Variants in CPD observed in about 807,000 individuals in gnomAD.
CPD encodes the protein metallocarboxypeptidase D.
CPD carries 69 observed loss-of-function variants against 138.3 expected under a neutral mutation model. That is an observed-to-expected ratio of 0.50 (90% CI 0.41 to 0.61). CPD has a LOEUF of 0.61. Among genes scored for constraint, CPD ranks in the 20% least tolerant of loss-of-function variants. The pLI, the probability that CPD is intolerant of heterozygous loss-of-function variation, is 0.00. For synonymous variants in CPD, 651 were observed against 642.1 expected (o/e 1.01, Z -0.21); for missense variants, 1,432 against 1,733.3 (o/e 0.83, Z 3.09).
intron 2 of CPD, among the ~76,000 whole-genome samples, chr17:30,413,420 T>A (rs903064785): frequency 2.0e-5 from 3 of 152,216 alleles, no homozygotes; most frequent in African/African-American, 7.2e-5. Context: ...GAGACAAGGT[T>A]AAGACCGAGT....
At position 30,464,759 on chromosome 17, in the gene CPD, A is replaced by G. The variant is rs754127371; in HGVS notation, c.4088A>G (p.Glu1363Gly). The G allele has an allele frequency of 6.2e-7, 1 of 1,614,042 alleles. No individual in the cohort carries two copies. The highest frequency in any genetic ancestry group is 8.5e-7 in the Non-Finnish European group (1 of 1,179,910). ...TGSKKSLLSH[E>G]FQDETDTEEE... ...TCCAAGAAGTCCCTCCTAAGCCATG[A>G]GTTCCAGGATGAAACAGACACTGAA... The change falls in exon 21 of 21, where the codon GAG (glutamate) becomes GGG (glycine). Residue 1363 changes from glutamate (E) to glycine (G), a missense_variant. By Grantham distance (98) the Glu-to-Gly change is moderately conservative. Coordinates refer to ENST00000225719, the MANE Select transcript of CPD (RefSeq NM_001304.5).
rs564227637 is a variant in CPD at position 30,404,945 on chromosome 17, G to A, written c.995-15896G>A. 6.1e-4 allele frequency among the ~76,000 whole-genome samples: 93 copies of A among 152,168 alleles called. 1 individual carries two copies. Among genetic ancestry groups the A allele is most frequent in the Middle Eastern group, 3.4e-3 (1 of 294 alleles). ...ATTCTGAGAGAGTAAAAACATTTAT[G>A]TTGGCTTCTGGTTTCATTAATGGCT... On this transcript the variant is annotated intron_variant, in intron 2 of 20. Transcript: ENST00000225719.
intron 17 of CPD, 151 bp from the exon 18 acceptor site, chr17:30,461,029 T>TAATAATAAAATATATGACAAA: frequency 2.0e-6 from 1 of 496,318 alleles, no homozygotes; most frequent in Non-Finnish European, 3.4e-6. Context: ...ACAGAGAGGT[T>TAATAATAAAATATATGACAAA]TATTTATATT....
chr17:30,411,217 C>T (rs182147774), intron 2 of CPD, among the ~76,000 whole-genome samples: 71 of 152,294 alleles, frequency 4.7e-4, no homozygotes, highest in African/African-American at 9.6e-4. Flanking sequence ...GGGTTTCTGA[C>T]GAGAGATCTG....
intron 2 of CPD, among the ~76,000 whole-genome samples, chr17:30,393,197 A>G (rs181305759): frequency 4.4e-4 from 67 of 152,350 alleles, no homozygotes; most frequent in African/African-American, 1.4e-3. Flanking sequence ...TCATGCAGAC[A>G]ACTATTCTTT....
chr17:30,379,259 G>T lies in CPD; in HGVS notation c.279G>T (p.Pro93=). 1.3e-6 allele frequency: 2 copies of T among 1,515,052 alleles called. No homozygotes were observed. The highest frequency in any genetic ancestry group is 1.2e-5 in the South Asian group (1 of 82,616). 93.9% of individuals were successfully genotyped at this position (1,515,052 alleles called of 1,614,324 possible). The change falls in exon 1 of 21, where the codon CCG becomes CCT. Residue 93 remains proline, a synonymous_variant. Transcript: ENST00000225719. This position sits in a 1 kb window ranked among gnomAD's most constrained non-coding sequence, Gnocchi z 7.0. ...TCGGCCGCTCGGTGGAAGGCCGGCC[G>T]CTGTGGGTGCTTCGCCTCACCGCCG... ...FSIGRSVEGR[P]LWVLRLTAGL... is the part of the protein sequence containing the mutation.
rs1484448168 is a variant in CPD, at chr17:30,443,804, T to A, written c.2376T>A (p.Val792=). 2 of 1,608,858 alleles carry A rather than the reference T, an allele frequency of 1.2e-6. No homozygotes were observed. Among genetic ancestry groups the A allele is most frequent in the Non-Finnish European group, 1.7e-6 (2 of 1,176,402 alleles). The change falls in exon 11 of 21, where the codon GTT becomes GTA. Residue 792 remains valine (V), a splice_region_variant and synonymous_variant. Coordinates refer to ENST00000225719, the MANE Select transcript of CPD (RefSeq NM_001304.5). The stretch of plus-strand genomic sequence containing the variant: ...TGGTGTCCTTGTACTTAATCCAGGT[T>A]CATCAGGGCGTCAGAGGATTTGTTC... ...RRSLIQFMKQ[V]HQGVRGFVLD...
intron 2 of CPD, among the ~76,000 whole-genome samples, chr17:30,394,384 G>A (rs1911443567): frequency 6.6e-6 from 1 of 152,032 alleles, no homozygotes; most frequent in African/African-American, 2.4e-5. Flanking sequence ...CAGTTTAGCT[G>A]TAACCTCTTC....
rs1239878223 is a variant in CPD at position 30,449,707 on chromosome 17, T to C, written c.3028T>C (p.Phe1010Leu). Residue 1010 changes from phenylalanine (F) to leucine (L), a missense_variant, in exon 13 of 21, where the codon TTT (phenylalanine) becomes CTT (leucine). Around this residue, in one of 6 missense-constraint regions of CPD, gnomAD observed 366 missense variants for 518.8 expected, o/e 0.71. Coordinates refer to ENST00000225719, the MANE Select transcript of CPD (RefSeq NM_001304.5). ...TGAACTGCTTTTGGCTCTGGCAGAATTTCTCTGCCTGAACTACAAAAAGAA... is the reference window on the plus strand; with the variant it reads ...TGAACTGCTTTTGGCTCTGGCAGAACTTCTCTGCCTGAACTACAAAAAGAA... ...GTELLLALAE[F>L]LCLNYKKNPA... 1.9e-6 allele frequency: 3 copies of C among 1,585,222 alleles called. No homozygotes were observed. Among genetic ancestry groups the C allele is most frequent in the Non-Finnish European group, 2.6e-6 (3 of 1,172,132 alleles).
intron 17 of CPD, among the ~76,000 whole-genome samples, chr17:30,459,692 T>C (rs561505206): frequency 6.6e-6 from 1 of 152,210 alleles, no homozygotes; most frequent in East Asian, 1.9e-4. Context: ...AGAAAAGGGG[T>C]GTTGGAATTT....
chr17:30,379,671 G>T lies in CPD; in HGVS notation c.691G>T (p.Ala231Ser). ...PDQFSTGEPP[A>S]LDEVPEVRAL... ...CCAGTTTAGCACCGGCGAACCCCCC[G>T]CCCTGGACGAGGTGCCCGAGGTGCG... Residue 231 changes from alanine to serine, a missense_variant, in exon 1 of 21, where the codon GCC becomes TCC. Physicochemically the swap from Ala to Ser is moderately conservative, Grantham distance 99 (BLOSUM62 1). Coordinates refer to ENST00000225719, the MANE Select transcript of CPD (RefSeq NM_001304.5). This position sits in a 1 kb window ranked among gnomAD's most constrained non-coding sequence, Gnocchi z 7.0. 1 of 1,504,078 alleles carries T rather than the reference G, an allele frequency of 6.6e-7. No individual in the cohort carries two copies. 93.2% of individuals were successfully genotyped at this position (1,504,078 alleles called of 1,614,324 possible).
chr17:30,406,679 C>G (rs1291335400), intron 2 of CPD, among the ~76,000 whole-genome samples: 1 of 152,112 alleles, frequency 6.6e-6, no homozygotes, highest in Non-Finnish European at 1.5e-5. Context: ...TAGTGTTACT[C>G]TACGTCATTG....
chr17:30,458,829 T>C (rs1426054217), intron 17 of CPD, among the ~76,000 whole-genome samples: 1 of 151,468 alleles, frequency 6.6e-6, no homozygotes, highest in Non-Finnish European at 1.5e-5. Flanking sequence ...TCTTGCCACT[T>C]CACTTGAGTC....
intron 4 of CPD, 69 bp downstream of exon 4, chr17:30,421,902 T>C: frequency 8.5e-7 from 1 of 1,172,144 alleles, no homozygotes. Context: ...GAGACAGAAA[T>C]ATAGTCTAGT....
Position 30,379,365 on chromosome 17 carries a change from C to T in CPD, c.385C>T (p.Arg129Trp), listed in dbSNP as rs572028954. ...PDAAGPLLPG[R>W]PQVKLVGNMH... ...CGCTGCGGGGCCGCTGCTGCCCGGC[C>T]GGCCCCAGGTGAAGCTGGTGGGCAA... Residue 129 changes from arginine (R) to tryptophan (W), a missense_variant, in exon 1 of 21, where the codon CGG becomes TGG. Arg to Trp is a moderately radical substitution (Grantham distance 101, BLOSUM62 -3). This residue lies in a region of CPD where 484 missense variants were observed against 477.2 expected (regional missense o/e 1.01). Transcript: ENST00000225719. This position sits in a 1 kb window ranked among gnomAD's most constrained non-coding sequence, Gnocchi z 7.0. 6.6e-7 allele frequency: 1 copy of T among 1,506,602 alleles called. No individual in the cohort carries two copies. Among genetic ancestry groups the T allele is most frequent in the Non-Finnish European group, 8.8e-7 (1 of 1,135,252 alleles). 93.3% of individuals were successfully genotyped at this position (1,506,602 alleles called of 1,614,324 possible).
chr17:30,414,495 A>G (rs560679201), intron 2 of CPD, among the ~76,000 whole-genome samples: 2 of 152,182 alleles, frequency 1.3e-5, no homozygotes, highest in South Asian at 4.2e-4. Context: ...AGGCAGGAGA[A>G]TGGCATGAAT....
At chr17:30,396,533 C>T (rs982231779) in intron 2 of CPD, among the ~76,000 whole-genome samples, 7 of 152,158 alleles carry the variant, frequency 4.6e-5, no homozygotes, top group African/African-American at 1.4e-4. Context: ...AAAGCTAGAT[C>T]TTTCTGTGGT....
At chr17:30,418,245 A>G (rs559226296) in intron 2 of CPD, among the ~76,000 whole-genome samples, 60 of 152,082 alleles carry the variant, frequency 3.9e-4, no homozygotes, top group African/African-American at 1.2e-3. Context: ...CAGTGGCGCA[A>G]TCTTGGCTCA....
At chr17:30,411,588 C>T (rs1408174069) in intron 2 of CPD, among the ~76,000 whole-genome samples, 2 of 151,968 alleles carry the variant, frequency 1.3e-5, no homozygotes, top group Admixed American at 6.6e-5. Context: ...ATCTTGTCTT[C>T]TCGTTTTATT....
Sources: allele counts gnomAD v4.1 joint callset (sites outside exome capture counted in the v4.1 genomes callset), GRCh38; gene constraint gnomAD v4.1.1; regional missense constraint gnomAD v4.1.1; non-coding constraint Gnocchi (gnomAD v3.1); transcripts MANE v1.5; gene names NCBI Gene and HGNC (gene_info 2026-07-23, HGNC 2026-07-21).